The following EPDR1 variants were observed in gnomAD, a reference collection of about 807,000 sequenced individuals.
The protein encoded by EPDR1 is mammalian ependymin-related protein 1.
In EPDR1, 27 loss-of-function variants were observed where a neutral mutation model predicts 23.7. The ratio of observed to expected loss-of-function variants is 1.14; its 90% CI spans 0.84 to 1.57. The LOEUF is 1.57. Ranked by LOEUF, EPDR1 falls within the 40% of genes most tolerant of loss-of-function variation. The probability of loss-of-function intolerance (pLI) is 0.00; values close to 1 mark genes in which losing one functional copy is unlikely to be tolerated. For missense variants in EPDR1, 349 were observed against 290.4 expected (o/e 1.20, Z -1.47); for synonymous variants, 137 against 118.2 (o/e 1.16, Z -1.03).
Position 37,948,949 on chromosome 7 carries a change from A to G in EPDR1, c.379A>G (p.Ile127Val), listed in dbSNP as rs1476304790. The change falls in exon 2 of 3, where the codon ATT (isoleucine) becomes GTT (valine). Residue 127 changes from isoleucine (I) to valine (V), a missense_variant. Physicochemically the swap from Ile to Val is conservative, Grantham distance 29 (BLOSUM62 3). Coordinates refer to ENST00000199448, the MANE Select transcript of EPDR1 (RefSeq NM_017549.5). ...GACACAGCCCTGGGATCCTCTTGAC[A>G]TTCCTCAAAACTCCACCTTTGAAGA... ...TLTQPWDPLD[I>V]PQNSTFEDQY... is the part of the protein sequence containing the mutation. 16 of 1,614,138 alleles carry G rather than the reference A, an allele frequency of 9.9e-6. No homozygotes were observed. The highest frequency in any genetic ancestry group is 1.3e-5 in the Non-Finnish European group (15 of 1,180,022).
intron 1 of EPDR1, among the ~76,000 whole-genome samples, chr7:37,938,897 C>T (rs1583668128): frequency 6.6e-6 from 1 of 152,008 alleles, no homozygotes; most frequent in South Asian, 2.1e-4. Flanking sequence ...ATTGAGCTAT[C>T]TGTGGTGCTG....
intron 1 of EPDR1, among the ~76,000 whole-genome samples, chr7:37,934,529 G>T (rs1456388052): frequency 6.6e-6 from 1 of 151,676 alleles, no homozygotes. Context: ...GATCTTCAAA[G>T]CCAGAACCAG....
chr7:37,924,860 A>G (rs1432765505), intron 1 of EPDR1, among the ~76,000 whole-genome samples: 1 of 152,212 alleles, frequency 6.6e-6, no homozygotes, highest in Non-Finnish European at 1.5e-5. Context: ...GAAAATATGG[A>G]TGAGTTGTCT....
chr7:37,939,976 C>T (rs2132013797), intron 1 of EPDR1, among the ~76,000 whole-genome samples: 1 of 152,300 alleles, frequency 6.6e-6, no homozygotes, highest in Non-Finnish European at 1.5e-5. Flanking sequence ...AACTCCAAAA[C>T]AGCACAACAC....
Position 37,950,387 on chromosome 7 carries a change from C to A in EPDR1, c.666C>A (p.Cys222Ter), listed in dbSNP as rs1022534095. 11 of 1,611,806 alleles carry A rather than the reference C, an allele frequency of 6.8e-6. No individual in the cohort carries two copies. The highest frequency in any genetic ancestry group is 1.3e-5 in the African/African-American group (1 of 74,854). ...AACTGGAGAAGATGAGCGAAGACTG[C>A]TCCTGGTGAGCCTGTGCATAGGGAA... The part of the protein sequence containing the change: ...MAQLEKMSED[C>*]SW Residue 222 changes from cysteine to a stop codon, truncating the protein, a stop_gained, in exon 3 of 3, where the codon TGC (cysteine) becomes TGA (stop). Transcript: ENST00000199448. LOFTEE classifies it high-confidence loss of function.
intron 1 of EPDR1, among the ~76,000 whole-genome samples, chr7:37,931,979 A>G (rs573003718): frequency 6.6e-6 from 1 of 152,228 alleles, no homozygotes; most frequent in South Asian, 2.1e-4. Flanking sequence ...AAGTGCTGGG[A>G]TTACACGCGT....
intron 1 of EPDR1, 27 bp downstream of exon 1, chr7:37,921,235 G>A: frequency 6.4e-7 from 1 of 1,563,002 alleles, no homozygotes; most frequent in African/African-American, 1.4e-5. Flanking sequence ...CGCGGGGCGG[G>A]AGTAGGGAGC....
At chr7:37,921,340 C>T in intron 1 of EPDR1, 132 bp downstream of exon 1, 2 of 1,422,184 alleles carry the variant, frequency 1.4e-6, no homozygotes, top group Non-Finnish European at 1.8e-6. Flanking sequence ...AGAGATCTTT[C>T]GCGAGGAGGG....
chr7:37,938,143 A>G (rs983439256), intron 1 of EPDR1, among the ~76,000 whole-genome samples: 1 of 151,794 alleles, frequency 6.6e-6, no homozygotes, highest in African/African-American at 2.4e-5. Context: ...GGTGTCAGCC[A>G]CCATGCCTGG....
At chr7:37,940,039 T>C (rs999116498) in intron 1 of EPDR1, among the ~76,000 whole-genome samples, 27 of 152,220 alleles carry the variant, frequency 1.8e-4, no homozygotes, top group African/African-American at 5.5e-4. Flanking sequence ...CAATGTTTAT[T>C]GGTAGAAGAC....
At chr7:37,949,617 A>AT (rs1218646065) in intron 2 of EPDR1, among the ~76,000 whole-genome samples, 1 of 152,188 alleles carries the variant, frequency 6.6e-6, no homozygotes, top group Admixed American at 6.5e-5. Context: ...GTATATATAT[A>AT]TATGCCCCAA....
rs1373560618 is a variant in EPDR1 at position 37,921,201 on chromosome 7, T to A, written c.262T>A (p.Cys88Ser). Residue 88 changes from cysteine to serine, a missense_variant, in exon 1 of 3, where the codon TGC (cysteine) becomes AGC (serine). Cys to Ser is a moderately radical substitution (Grantham distance 112). Transcript: ENST00000199448. Reference protein sequence around the residue: ...VLDERKALIPCKRLFEYILLY... With the variant: ...VLDERKALIPSKRLFEYILLY... The stretch of plus-strand genomic sequence containing the variant: ...GGACGAGAGGAAGGCGCTGATCCCC[T>A]GCAAGAGGTACAGGTCATCGGCCCG... 1 of 1,588,278 alleles carries A rather than the reference T, an allele frequency of 6.3e-7. No individual in the cohort carries two copies. The highest frequency in any genetic ancestry group is 2.3e-5 in the East Asian group (1 of 43,564).
chr7:37,937,154 GA>G (rs779349782), intron 1 of EPDR1, among the ~76,000 whole-genome samples: 69 of 152,250 alleles, frequency 4.5e-4, no homozygotes, highest in Non-Finnish European at 6.3e-4. Flanking sequence ...AATCACTGGG[GA>G]AAAGATGGAC....
chr7:37,933,714 T>C (rs1316685388), intron 1 of EPDR1, among the ~76,000 whole-genome samples: 5 of 152,156 alleles, frequency 3.3e-5, no homozygotes, highest in Non-Finnish European at 7.4e-5. Flanking sequence ...AGTCAAATAT[T>C]TGGGCCCTGC....
chr7:37,934,544 C>T (rs1281647146), intron 1 of EPDR1, among the ~76,000 whole-genome samples: 1 of 152,016 alleles, frequency 6.6e-6, no homozygotes, highest in Admixed American at 6.5e-5. Flanking sequence ...AACCAGATAC[C>T]TTTAGCTCTA....
chr7:37,931,846 A>C (rs1440986864), intron 1 of EPDR1, among the ~76,000 whole-genome samples: 1 of 151,914 alleles, frequency 6.6e-6, no homozygotes, highest in Non-Finnish European at 1.5e-5. Flanking sequence ...CTACAGGTGC[A>C]CACCACTGCA....
Position 37,948,931 on chromosome 7 carries a change from C to A in EPDR1, c.361C>A (p.Pro121Thr), listed in dbSNP as rs1786337478. 6.2e-6 allele frequency: 10 copies of A among 1,614,110 alleles called. No individual in the cohort carries two copies. The highest frequency in any genetic ancestry group is 5.3e-5 in the African/African-American group (4 of 75,004). The change falls in exon 2 of 3, where the codon CCC becomes ACC. Residue 121 changes from proline to threonine, a missense_variant. Physicochemically the swap from Pro to Thr is conservative, Grantham distance 38. Coordinates refer to ENST00000199448, the MANE Select transcript of EPDR1 (RefSeq NM_017549.5). ...GTGCTCAAAGATGACCCTGACACAG[C>A]CCTGGGATCCTCTTGACATTCCTCA... ...KQCSKMTLTQ[P>T]WDPLDIPQNS...
chr7:37,945,919 G>T (rs1004653699), intron 1 of EPDR1, among the ~76,000 whole-genome samples: 8 of 151,938 alleles, frequency 5.3e-5, no homozygotes, highest in Non-Finnish European at 1.2e-4. Context: ...TTGCTTCCCC[G>T]ACGCGTCCAT....
chr7:37,922,371 AG>A (rs1439535033), intron 1 of EPDR1, among the ~76,000 whole-genome samples: 1 of 152,220 alleles, frequency 6.6e-6, no homozygotes, highest in Non-Finnish European at 1.5e-5. Flanking sequence ...AATGCAGCAC[AG>A]AGCAGCACAG....
Sources: gnomAD v4.1 joint callset for allele counts (sites outside exome capture counted in the v4.1 genomes callset) on GRCh38, gnomAD v4.1.1 for gene constraint, MANE v1.5 for transcripts, NCBI Gene and HGNC (gene_info 2026-07-23, HGNC 2026-07-21) for gene names.